The following TUFT1 variants were observed in gnomAD, a reference collection of about 807,000 sequenced individuals.
TUFT1 encodes tuftelin.
In TUFT1, 43 loss-of-function variants were observed where a neutral mutation model predicts 57.8. That is an observed-to-expected ratio of 0.74 (90% confidence interval 0.58 to 0.96). TUFT1 has a LOEUF of 0.96. TUFT1 is among the 40% of genes least tolerant of loss of function. TUFT1 has a pLI of 0.00. For synonymous variants in TUFT1, 166 were observed against 176.7 expected, an observed-to-expected ratio of 0.94 and a Z score of 0.48; for missense variants, 459 against 489.0, an observed-to-expected ratio of 0.94 and a Z score of 0.58.
intron 11 of TUFT1, 85 bp from the exon 12 acceptor site, chr1:151,580,857 G>T: frequency 1.6e-6 from 2 of 1,212,488 alleles, no homozygotes; most frequent in Non-Finnish European, 2.4e-6. Flanking sequence ...ATAAACACAG[G>T]CAGAGAGACC....
In TUFT1 at chr1:151,581,928, T is replaced by C; in HGVS notation, c.*221T>C. On this transcript the variant is annotated 3_prime_UTR_variant, in exon 13 of 13. Coordinates refer to ENST00000368849, the MANE Select transcript of TUFT1 (RefSeq NM_020127.3). Reference sequence around the variant, plus strand: ...AGGCACTGCAGCCCTTTGGAAGACATTGTCCTGCAAGCAGGAGCCAGGGCA... The same window carrying C: ...AGGCACTGCAGCCCTTTGGAAGACACTGTCCTGCAAGCAGGAGCCAGGGCA... 1.6e-6 allele frequency: 1 copy of C among 622,198 alleles called. No individual in the cohort carries two copies. Among genetic ancestry groups the C allele is most frequent in the Non-Finnish European group, 2.9e-6 (1 of 346,242 alleles). 38.5% of individuals were successfully genotyped at this position (622,198 alleles called of 1,614,324 possible).
intron 1 of TUFT1, among the ~76,000 whole-genome samples, chr1:151,551,483 A>G (rs1300709030): frequency 6.6e-6 from 1 of 152,230 alleles, no homozygotes; most frequent in East Asian, 1.9e-4. Context: ...TGTAGGTTGC[A>G]GTAGGTGCTC....
intron 1 of TUFT1, among the ~76,000 whole-genome samples, chr1:151,549,153 TC>T: frequency 6.6e-6 from 1 of 152,160 alleles, no homozygotes. Flanking sequence ...TGCTCCTTTT[TC>T]CCTAGAGAAG....
chr1:151,545,270 A>G (rs1665297505), intron 1 of TUFT1, among the ~76,000 whole-genome samples: 1 of 151,760 alleles, frequency 6.6e-6, no homozygotes, highest in African/African-American at 2.4e-5. Context: ...AGATCACGCC[A>G]TTGCACTCCA....
intron 7 of TUFT1, 34 bp downstream of exon 7, chr1:151,569,804 A>C: frequency 6.5e-7 from 1 of 1,541,682 alleles, no homozygotes; most frequent in South Asian, 1.1e-5. Flanking sequence ...AGGTGCCCTA[A>C]GGGATGGGCT....
Position 151,540,486 on chromosome 1 carries a change from C to G in TUFT1, c.60+60C>G, listed in dbSNP as rs373525376. The G allele has an allele frequency of 4.1e-4, 658 of 1,594,196 alleles. 1 individual carries two copies. In the African/African-American group the frequency reaches 7.6e-3, roughly 18 times the overall value. ...TGTATTCCCGGTTTCTAAGTCCGCC[C>G]CTTCCGTGCCCCGCGCCGTGTTGGC... On this transcript the variant is annotated intron_variant, in intron 1 of 12. Coordinates refer to ENST00000368849, the MANE Select transcript of TUFT1 (RefSeq NM_020127.3).
rs1049739905 is a variant in TUFT1 at position 151,548,452 on chromosome 1, G to A, written c.60+8026G>A. On this transcript the variant is annotated intron_variant, in intron 1 of 12. Transcript: ENST00000368849. ...CAAGTAGCTGGAGCTACAGGCGTGC[G>A]CCACCACGCCCAGCTAATTTTTGTA... Among the ~76,000 whole-genome samples, 10 of 151,992 alleles carry A rather than the reference G, an allele frequency of 6.6e-5. No individual in the cohort carries two copies. The South Asian group carries it at 1.7e-3, about 25-fold the overall frequency.
chr1:151,567,626 A>T (rs965043033), intron 6 of TUFT1, among the ~76,000 whole-genome samples: 1 of 151,836 alleles, frequency 6.6e-6, no homozygotes, highest in Non-Finnish European at 1.5e-5. Context: ...GCTCGCTGCA[A>T]CCTCCACCTC....
At chr1:151,578,888 G>A in intron 10 of TUFT1, 62 bp downstream of exon 10, 1 of 1,339,136 alleles carries the variant, frequency 7.5e-7, no homozygotes, top group South Asian at 1.3e-5. Context: ...GCTCTTATTT[G>A]TTTCCTAGGG....
intron 9 of TUFT1, among the ~76,000 whole-genome samples, chr1:151,576,406 T>C (rs1451319189): frequency 6.6e-6 from 1 of 152,148 alleles, no homozygotes; most frequent in Non-Finnish European, 1.5e-5. Context: ...ACCCTACACT[T>C]TAATTCAATT....
chr1:151,575,026 C>T, intron 9 of TUFT1, 21 bp downstream of exon 9: 1 of 1,550,950 alleles, frequency 6.4e-7, no homozygotes, highest in Non-Finnish European at 8.7e-7. Flanking sequence ...GGCTCTTGTT[C>T]ACGGTGAAGT....
intron 1 of TUFT1, among the ~76,000 whole-genome samples, chr1:151,556,953 G>C (rs559908983): frequency 6.6e-6 from 1 of 152,164 alleles, no homozygotes; most frequent in Non-Finnish European, 1.5e-5. Context: ...CAGCCTGGGT[G>C]ACAGAAACAG....
chr1:151,577,956 G>A (rs1483520770), intron 9 of TUFT1, among the ~76,000 whole-genome samples: 1 of 151,834 alleles, frequency 6.6e-6, no homozygotes, highest in African/African-American at 2.4e-5. Flanking sequence ...AGCCCAGGAG[G>A]TCAACCTGGC....
chr1:151,566,386 T>C (rs1447557988), intron 6 of TUFT1, among the ~76,000 whole-genome samples, 158 bp downstream of exon 6: 1 of 151,692 alleles, frequency 6.6e-6, no homozygotes, highest in Non-Finnish European at 1.5e-5. Flanking sequence ...ATACAAAGAG[T>C]AGAAATTCTC....
chr1:151,543,878 C>T (rs1163984708), intron 1 of TUFT1, among the ~76,000 whole-genome samples: 2 of 152,072 alleles, frequency 1.3e-5, no homozygotes, highest in South Asian at 2.1e-4. Flanking sequence ...ATGGAAGCTG[C>T]GTGGCAAAAG....
chr1:151,569,996 T>C (rs898969321), intron 7 of TUFT1, among the ~76,000 whole-genome samples: 3 of 152,252 alleles, frequency 2.0e-5, no homozygotes, highest in African/African-American at 7.2e-5. Context: ...CGGGATTCTC[T>C]GCTCTGATGA....
Position 151,581,813 on chromosome 1 carries a change from C to G in TUFT1, c.*106C>G, listed in dbSNP as rs979590596. On this transcript the variant is annotated 3_prime_UTR_variant, in exon 13 of 13. Transcript: ENST00000368849. ...CTTTGACTTCCTGACTGTCCCCTGGCTGCACCCAGGACTTCGGGCTCCTGT... is the reference window on the plus strand; with the variant it reads ...CTTTGACTTCCTGACTGTCCCCTGGGTGCACCCAGGACTTCGGGCTCCTGT... 13 of 1,243,926 alleles carry G rather than the reference C, an allele frequency of 1.0e-5. No individual in the cohort carries two copies. The highest frequency in any genetic ancestry group is 1.0e-4 in the African/African-American group (7 of 67,430). The allele number at this position is 1,243,926 out of a possible 1,614,324, so 77.1% of individuals were successfully genotyped here.
At chr1:151,574,463 C>G in intron 8 of TUFT1, 65 bp downstream of exon 8, 1 of 1,590,438 alleles carries the variant, frequency 6.3e-7, no homozygotes, top group Non-Finnish European at 8.5e-7. Flanking sequence ...GCAGGTGGAT[C>G]GAAACGGTTG....
chr1:151,540,995 A>AC (rs1297023441), intron 1 of TUFT1: 1 of 152,096 alleles, frequency 6.6e-6, no homozygotes, highest in African/African-American at 2.4e-5. Context: ...TTGGCTAGGG[A>AC]CTCTACCTTT....
Sources: gnomAD v4.1 joint callset for allele counts (sites outside exome capture counted in the v4.1 genomes callset) on GRCh38, gnomAD v4.1.1 for gene constraint, MANE v1.5 for transcripts, NCBI Gene and HGNC (gene_info 2026-07-23, HGNC 2026-07-21) for gene names.